The following DPCD variants were observed in gnomAD, a reference collection of about 807,000 sequenced individuals.
DPCD encodes deleted in primary ciliary dyskinesia homolog (mouse).
A neutral mutation model predicts 26.4 loss-of-function variants in DPCD; 20 were observed. The ratio of observed to expected loss-of-function variants is 0.76; its 90% CI spans 0.53 to 1.10. DPCD has a LOEUF of 1.10. DPCD is among the 50% of genes least tolerant of loss of function. The pLI, the probability that DPCD is intolerant of heterozygous loss-of-function variation, is 0.00. For missense variants in DPCD, 202 were observed against 253.9 expected (o/e 0.80, Z 1.39); for synonymous variants, 97 against 94.2 (o/e 1.03, Z -0.17).
intron 4 of DPCD, 86 bp from the exon 5 acceptor site, chr10:101,608,749 G>T: frequency 1.2e-6 from 1 of 847,186 alleles, no homozygotes; most frequent in South Asian, 1.4e-5. Context: ...GGAAGAACTA[G>T]GTAGAAGCTA....
rs145158844 is a variant in DPCD at position 101,609,450 on chromosome 10, T to C, written c.591T>C (p.Asp197=). Residue 197 remains aspartate (D), a synonymous_variant, in exon 6 of 6, where the codon GAT becomes GAC. Coordinates refer to ENST00000370151, the MANE Select transcript of DPCD (RefSeq NM_015448.3). Reference sequence around the variant, plus strand: ...AGGTGAAGACAGCCCACAGCAACGATGGGGACTGCAAGACCCAGTAGTTGG... The same window carrying C: ...AGGTGAAGACAGCCCACAGCAACGACGGGGACTGCAAGACCCAGTAGTTGG... ...LKKVKTAHSN[D]GDCKTQ is the part of the protein sequence containing the mutation. 22 of 1,613,962 alleles carry C rather than the reference T, an allele frequency of 1.4e-5. No individual in the cohort carries two copies. The highest frequency in any genetic ancestry group is 2.7e-5 in the African/African-American group (2 of 74,916).
chr10:101,593,293 G>A (rs181921048), intron 1 of DPCD, among the ~76,000 whole-genome samples: 26 of 152,284 alleles, frequency 1.7e-4, no homozygotes, highest in African/African-American at 4.3e-4. Context: ...CTAGGGCTCT[G>A]CTAGAGGCCC....
chr10:101,603,890 C>A lies in DPCD; in HGVS notation c.404+2554C>A, dbSNP rs1408988615. On this transcript the variant is annotated intron_variant, in intron 4 of 5. Coordinates refer to ENST00000370151, the MANE Select transcript of DPCD (RefSeq NM_015448.3). The surrounding 1 kb of genome is among the most constrained non-coding windows in gnomAD (Gnocchi z 4.6). Reference sequence around the variant, plus strand: ...GCCTCATCCTCCTGAGAAGCTGGGACTATAGGCGCATACCACCCAATCTGG... The same window carrying A: ...GCCTCATCCTCCTGAGAAGCTGGGAATATAGGCGCATACCACCCAATCTGG... Among the ~76,000 whole-genome samples the A allele has an allele frequency of 2.0e-5, 3 of 152,194 alleles. No homozygotes were observed. Among genetic ancestry groups the A allele is most frequent in the Admixed American group, 6.5e-5 (1 of 15,284 alleles).
intron 2 of DPCD, among the ~76,000 whole-genome samples, chr10:101,595,579 A>T (rs908438221): frequency 2.6e-5 from 4 of 152,144 alleles, no homozygotes; most frequent in African/African-American, 9.7e-5. Context: ...TGGTGAGGGA[A>T]TTTCTTTTTC....
intron 1 of DPCD, among the ~76,000 whole-genome samples, chr10:101,593,084 T>C (rs1046038908): frequency 3.9e-5 from 6 of 152,124 alleles, no homozygotes; most frequent in Admixed American, 3.9e-4. Context: ...TTGTGAGAAT[T>C]AAATTTGATA....
intron 2 of DPCD, among the ~76,000 whole-genome samples, chr10:101,595,102 T>C (rs765809057): frequency 1.4e-4 from 22 of 152,166 alleles, no homozygotes; most frequent in Non-Finnish European, 3.1e-4. Flanking sequence ...TCCTTGTTTT[T>C]TTGTTTGTTT....
At chr10:101,588,429 C>A in intron 1 of DPCD, 29 bp downstream of exon 1, 1 of 1,568,762 alleles carries the variant, frequency 6.4e-7, no homozygotes, top group Non-Finnish European at 8.7e-7. Flanking sequence ...CGGGCTCCTT[C>A]GTTTTTTTCC....
At position 101,601,061 on chromosome 10, in the gene DPCD, G is replaced by A; in HGVS notation, c.271-142G>A. The A allele has an allele frequency of 2.7e-6, 4 of 1,464,544 alleles. No individual in the cohort carries two copies. The South Asian group carries it at 5.1e-5, about 19-fold the overall frequency. 90.7% of individuals were successfully genotyped at this position (1,464,544 alleles called of 1,614,324 possible). ...GTCCCAGGGCGGGGGCTCAGGGCCT[G>A]GAGTGCTGTAGCAATAGCAGCGTCA... On this transcript the variant is annotated intron_variant, in intron 3 of 5. Transcript: ENST00000370151.
chr10:101,604,082 A>G (rs1444023783), intron 4 of DPCD, among the ~76,000 whole-genome samples: 1 of 152,190 alleles, frequency 6.6e-6, no homozygotes, highest in Non-Finnish European at 1.5e-5. Context: ...GCAGGTGGGG[A>G]AGTGTGGCCT....
At chr10:101,589,469 A>G (rs1315640957) in intron 1 of DPCD, among the ~76,000 whole-genome samples, 1 of 152,260 alleles carries the variant, frequency 6.6e-6, no homozygotes, top group Admixed American at 6.5e-5. Context: ...AAGGTCAGGC[A>G]CAGTGGCTCA....
intron 5 of DPCD, 182 bp from the exon 6 acceptor site, chr10:101,609,185 G>C (rs1205146521): frequency 3.0e-6 from 2 of 663,628 alleles, no homozygotes; most frequent in Non-Finnish European, 5.2e-6. Context: ...GCTGAACTTG[G>C]GTTCTTCTGG....
intron 2 of DPCD, among the ~76,000 whole-genome samples, chr10:101,598,850 C>T (rs984937911): frequency 2.4e-4 from 36 of 152,008 alleles, no homozygotes; most frequent in African/African-American, 8.2e-4. Context: ...TCTCGAACTC[C>T]CTCAGGTGAT....
rs2063713491 is a variant in DPCD, at chr10:101,603,509, G to A, written c.404+2173G>A. Reference sequence around the variant, plus strand: ...GCGGTGGCTCACGCCTGTAATCCCAGCACTCTGGGAAGCCAAGGCAGGTGG... The same window carrying A: ...GCGGTGGCTCACGCCTGTAATCCCAACACTCTGGGAAGCCAAGGCAGGTGG... On this transcript the variant is annotated intron_variant, in intron 4 of 5. Transcript: ENST00000370151. This position sits in a 1 kb window ranked among gnomAD's most constrained non-coding sequence, Gnocchi z 4.6. 6.6e-6 allele frequency among the ~76,000 whole-genome samples: 1 copy of A among 151,702 alleles called. No individual in the cohort carries two copies. The highest frequency in any genetic ancestry group is 1.5e-5 in the Non-Finnish European group (1 of 67,974).
chr10:101,594,952 C>T (rs547471301), intron 2 of DPCD, among the ~76,000 whole-genome samples: 1 of 152,114 alleles, frequency 6.6e-6, no homozygotes, highest in Non-Finnish European at 1.5e-5. Context: ...CATCCCCACC[C>T]CTCACCCCAG....
rs961256154 is a variant in DPCD at position 101,603,713 on chromosome 10, T to C, written c.404+2377T>C. On this transcript the variant is annotated intron_variant, in intron 4 of 5. Coordinates refer to ENST00000370151, the MANE Select transcript of DPCD (RefSeq NM_015448.3). This position sits in a 1 kb window ranked among gnomAD's most constrained non-coding sequence, Gnocchi z 4.6. ...TAGAGGTTGCAGTGAGCCAAGATCA[T>C]GCCATTGCACTCCAGCCTGGGTGAC... 2.0e-5 allele frequency among the ~76,000 whole-genome samples: 3 copies of C among 151,340 alleles called. No homozygotes were observed. Among genetic ancestry groups the C allele is most frequent in the Middle Eastern group, 3.4e-3 (1 of 292 alleles).
chr10:101,594,305 C>T (rs1223237109), intron 1 of DPCD, among the ~76,000 whole-genome samples: 1 of 152,146 alleles, frequency 6.6e-6, no homozygotes, highest in Non-Finnish European at 1.5e-5. Flanking sequence ...TGTGATTAAT[C>T]CTACCAAAGT....
At chr10:101,592,402 A>G (rs2063616583) in intron 1 of DPCD, among the ~76,000 whole-genome samples, 2 of 151,730 alleles carry the variant, frequency 1.3e-5, no homozygotes, top group African/African-American at 4.8e-5. Context: ...AAACAAAAAC[A>G]CTTGTTTGGG....
rs139645251 is a variant in DPCD at position 101,601,256 on chromosome 10, C to A, written c.324C>A (p.Asn108Lys). Residue 108 changes from asparagine (N) to lysine (K), a missense_variant, in exon 4 of 6, where the codon AAC becomes AAA. By Grantham distance (94) the Asn-to-Lys change is moderately conservative. Transcript: ENST00000370151. ...TKMSFQWRIR[N>K]LPYPKDVYSV... ...TGAGTTTCCAGTGGCGGATTCGAAA[C>A]CTCCCCTATCCTAAGGATGTCTATA... 1 of 1,613,776 alleles carries A rather than the reference C, an allele frequency of 6.2e-7. No homozygotes were observed. The highest frequency in any genetic ancestry group is 8.5e-7 in the Non-Finnish European group (1 of 1,179,920).
rs532382975 is a variant in DPCD, at chr10:101,600,807, C to T, written c.215C>T (p.Ala72Val). Residue 72 changes from alanine to valine, a missense_variant, in exon 3 of 6, where the codon GCG becomes GTG. Transcript: ENST00000370151. The surrounding 1 kb of genome is among the most constrained non-coding windows in gnomAD (Gnocchi z 4.7). ...TGGCAGCTTGAAGTAGGAGACCCAG[C>T]GCCCCTAGGAGCAGGGAACCTGGGG... Reference protein sequence around the residue: ...GQWQLEVGDPAPLGAGNLGPE... With the variant: ...GQWQLEVGDPVPLGAGNLGPE... 21 of 1,613,818 alleles carry T rather than the reference C, an allele frequency of 1.3e-5. No individual in the cohort carries two copies. The highest frequency in any genetic ancestry group is 8.9e-5 in the East Asian group (4 of 44,856).
Sources: gnomAD v4.1 joint callset for allele counts (sites outside exome capture counted in the v4.1 genomes callset) on GRCh38, gnomAD v4.1.1 for gene constraint, Gnocchi (gnomAD v3.1) non-coding constraint, MANE v1.5 for transcripts, NCBI Gene and HGNC (gene_info 2026-07-23, HGNC 2026-07-21) for gene names.